Variants in DAPK2 observed in about 807,000 individuals in gnomAD.
DAPK2 encodes the protein death-associated protein kinase 2.
Under a neutral mutation model 44.1 loss-of-function variants are expected in DAPK2, and 35 were observed. That is an observed-to-expected ratio of 0.79 (90% CI 0.61 to 1.05). The LOEUF (loss-of-function observed/expected upper bound fraction) is 1.05. DAPK2 is among the 50% of genes least tolerant of loss of function. The pLI is 0.00. For synonymous variants in DAPK2, 174 were observed against 182.6 expected, an observed-to-expected ratio of 0.95 and a Z score of 0.38; for missense variants, 453 against 483.2, an observed-to-expected ratio of 0.94 and a Z score of 0.59.
intron 1 of DAPK2, among the ~76,000 whole-genome samples, chr15:64,000,948 T>C (rs1328409415): frequency 3.9e-5 from 6 of 152,074 alleles, no homozygotes; most frequent in South Asian, 2.1e-4. Context: ...GGTGTGATCT[T>C]GGCTTGCTGC....
chr15:63,928,049 A>G (rs1437841928), intron 6 of DAPK2, among the ~76,000 whole-genome samples: 2 of 152,184 alleles, frequency 1.3e-5, no homozygotes, highest in Non-Finnish European at 2.9e-5. Context: ...AGTTCAAATC[A>G]GAGTCCTGAA....
chr15:63,959,472 T>C (rs2077823693), intron 3 of DAPK2, among the ~76,000 whole-genome samples: 1 of 152,244 alleles, frequency 6.6e-6, no homozygotes, highest in Non-Finnish European at 1.5e-5. Context: ...GCCCATTCAT[T>C]ACGATATTGA....
intron 8 of DAPK2, chr15:63,920,765 T>C (rs1022008514): frequency 5.3e-5 from 8 of 152,320 alleles, no homozygotes; most frequent in Admixed American, 2.0e-4. Flanking sequence ...CTCTTCCACA[T>C]GGCCAAAGCC....
chr15:63,949,918 C>G (rs11854612), intron 3 of DAPK2, among the ~76,000 whole-genome samples: 59,303 of 152,076 alleles, frequency 0.39, 12,098 homozygotes, highest in African/African-American at 0.42. Context: ...ATTGTATTCT[C>G]CCAATTTCTT....
At chr15:64,016,822 GGGAAGGAAGGAAGGAGGGAAGGAAGGAA>G (rs2079539352) in intron 1 of DAPK2, among the ~76,000 whole-genome samples, 1 of 113,464 alleles carries the variant, frequency 8.8e-6, no homozygotes, top group Non-Finnish European at 1.9e-5. Context: ...GAAGGGGAAG[GGGAAGGAAGGAAGGAGGGAAGGAAGGAA>G]GGAAGGAAGG....
rs1277258378 is a variant in DAPK2 at position 63,971,412 on chromosome 15, C to G, written c.453+11G>C. On this transcript the variant is annotated intron_variant, in intron 3 of 10. Transcript: ENST00000261891. ...TAAACTTGATTCTTTTCCCTTTCTCCCCTTACTGACCTTGAGATCAAAGTG... is the reference window on the plus strand; with the variant it reads ...TAAACTTGATTCTTTTCCCTTTCTCGCCTTACTGACCTTGAGATCAAAGTG... 10 of 1,613,862 alleles carry G rather than the reference C, an allele frequency of 6.2e-6. No homozygotes were observed. The highest frequency in any genetic ancestry group is 1.3e-5 in the African/African-American group (1 of 74,904).
At chr15:64,021,761 G>A (rs1472662910) in intron 1 of DAPK2, among the ~76,000 whole-genome samples, 1 of 152,242 alleles carries the variant, frequency 6.6e-6, no homozygotes, top group African/African-American at 2.4e-5. Flanking sequence ...CCATGGGAAG[G>A]CCCCAGAGGG....
chr15:63,998,597 G>A (rs1166103066), intron 1 of DAPK2, among the ~76,000 whole-genome samples: 1 of 152,196 alleles, frequency 6.6e-6, no homozygotes, highest in Admixed American at 6.5e-5. Context: ...TCTGCAGGGT[G>A]GACCTATGCC....
chr15:63,974,439 A>T (rs2078292418), intron 2 of DAPK2, among the ~76,000 whole-genome samples: 1 of 152,200 alleles, frequency 6.6e-6, no homozygotes, highest in African/African-American at 2.4e-5. Flanking sequence ...GGAAAAGTGG[A>T]ACAACTTGAA....
chr15:64,016,860 GA>G (rs1202716293), intron 1 of DAPK2, among the ~76,000 whole-genome samples: 1 of 138,876 alleles, frequency 7.2e-6, no homozygotes, highest in Non-Finnish European at 1.6e-5. Context: ...AGGAAGGAAG[GA>G]AGGAAGGAAG....
intron 4 of DAPK2, among the ~76,000 whole-genome samples, chr15:63,932,971 A>G (rs926299652): frequency 6.6e-6 from 1 of 152,206 alleles, no homozygotes; most frequent in Non-Finnish European, 1.5e-5. Flanking sequence ...TTCTCCTCTC[A>G]GAGTTCATTT....
At chr15:63,929,556 G>A in exon 6 of DAPK2, 1 of 1,614,180 alleles carries the variant, frequency 6.2e-7, no homozygotes, top group South Asian at 1.1e-5. Context: ...CTCACAGGAT[G>A]TAGGTGATGA....
chr15:63,919,990 T>G (rs2079028020), intron 8 of DAPK2: 1 of 152,156 alleles, frequency 6.6e-6, no homozygotes, highest in African/African-American at 2.4e-5. Context: ...TGTAGACAGG[T>G]CATTTGAACC....
At chr15:64,022,015 G>A (rs2079696904) in intron 1 of DAPK2, among the ~76,000 whole-genome samples, 1 of 152,180 alleles carries the variant, frequency 6.6e-6, no homozygotes, top group Non-Finnish European at 1.5e-5. Context: ...ATCAGACACT[G>A]GATAGGGTGG....
intron 1 of DAPK2, among the ~76,000 whole-genome samples, chr15:63,984,514 A>C (rs955066614): frequency 6.6e-6 from 1 of 152,150 alleles, no homozygotes. Flanking sequence ...TGAGTGCTCC[A>C]GGGGCCCTCC....
intron 3 of DAPK2, among the ~76,000 whole-genome samples, chr15:63,940,118 C>T (rs892863568): frequency 3.3e-5 from 5 of 152,206 alleles, no homozygotes; most frequent in East Asian, 1.9e-4. Context: ...GCAATGGAAT[C>T]CTGAGCTCTC....
chr15:64,043,960 T>A (rs1034141674), upstream of DAPK2, among the ~76,000 whole-genome samples: 124 of 152,176 alleles, frequency 8.1e-4, no homozygotes, highest in Admixed American at 1.9e-3. Context: ...CAGATGCTCA[T>A]CAGGTAAAAC....
chr15:64,039,044 C>T (rs888851902), intron 1 of DAPK2, among the ~76,000 whole-genome samples: 29 of 152,308 alleles, frequency 1.9e-4, no homozygotes, highest in African/African-American at 7.0e-4. Context: ...GGAGTTGTCC[C>T]GCCCTTCCAG....
At chr15:63,967,551 C>T (rs1394097094) in intron 3 of DAPK2, among the ~76,000 whole-genome samples, 2 of 152,012 alleles carry the variant, frequency 1.3e-5, no homozygotes, top group African/African-American at 2.4e-5. Context: ...ATTAGCTGGG[C>T]GTGGTGGCAG....
Sources: gnomAD v4.1 joint callset for allele counts (sites outside exome capture counted in the v4.1 genomes callset) on GRCh38, gnomAD v4.1.1 for gene constraint, MANE v1.5 for transcripts, NCBI Gene and HGNC (gene_info 2026-07-23, HGNC 2026-07-21) for gene names.